The following SEC22A variants were observed in gnomAD, a reference collection of about 807,000 sequenced individuals.
The protein encoded by SEC22A is SEC22 homolog A, vesicle trafficking protein.
In SEC22A, 22 loss-of-function variants were observed where a neutral mutation model predicts 35.3. The ratio of observed to expected loss-of-function variants is 0.62; its 90% confidence interval spans 0.45 to 0.89. The LOEUF (loss-of-function observed/expected upper bound fraction) is 0.89. Among genes scored for constraint, SEC22A ranks in the 40% least tolerant of loss-of-function variants. The probability of loss-of-function intolerance (pLI) is 0.00; values close to 1 mark genes in which losing one functional copy is unlikely to be tolerated. For synonymous variants in SEC22A, 119 were observed against 129.5 expected, an observed-to-expected ratio of 0.92 and a Z score of 0.55; for missense variants, 354 against 362.5, an observed-to-expected ratio of 0.98 and a Z score of 0.19.
intron 2 of SEC22A, among the ~76,000 whole-genome samples, chr3:123,210,769 A>G (rs532714162): frequency 6.6e-6 from 1 of 152,348 alleles, no homozygotes; most frequent in Non-Finnish European, 1.5e-5. Flanking sequence ...CATATAGGAT[A>G]TAATAAGCAG....
At chr3:123,233,874 A>G (rs1294081155) in intron 4 of SEC22A, among the ~76,000 whole-genome samples, 3 of 152,258 alleles carry the variant, frequency 2.0e-5, no homozygotes, top group Non-Finnish European at 2.9e-5. Flanking sequence ...AGGACAATAA[A>G]TAAAAAGGCA....
chr3:123,209,653 T>C (rs1432012215), intron 2 of SEC22A, among the ~76,000 whole-genome samples: 1 of 152,230 alleles, frequency 6.6e-6, no homozygotes, highest in East Asian at 1.9e-4. Flanking sequence ...TAAATATTTA[T>C]TTGCATTCTT....
chr3:123,202,706 A>T (rs1936770226), intron 1 of SEC22A, among the ~76,000 whole-genome samples: 1 of 152,096 alleles, frequency 6.6e-6, no homozygotes, highest in Non-Finnish European at 1.5e-5. Context: ...AGTTTCCTGG[A>T]TCATCCACCT....
At chr3:123,215,638 A>G (rs763107756) in intron 2 of SEC22A, among the ~76,000 whole-genome samples, 7 of 152,228 alleles carry the variant, frequency 4.6e-5, no homozygotes, top group Non-Finnish European at 8.8e-5. Context: ...GAGACTTAGG[A>G]ATGTAAAGGA....
intron 4 of SEC22A, among the ~76,000 whole-genome samples, chr3:123,244,725 G>A (rs367930500): frequency 1.4e-4 from 21 of 152,164 alleles, no homozygotes; most frequent in African/African-American, 3.9e-4. Flanking sequence ...ATTTAAACCC[G>A]CCCTTATATT....
intron 5 of SEC22A, among the ~76,000 whole-genome samples, chr3:123,250,070 AG>A (rs1386899883): frequency 6.6e-6 from 1 of 152,202 alleles, no homozygotes; most frequent in Non-Finnish European, 1.5e-5. Flanking sequence ...GCTCTTAAAA[AG>A]TCTATTTTAA....
intron 4 of SEC22A, among the ~76,000 whole-genome samples, chr3:123,231,258 G>A (rs1167508185): frequency 6.6e-6 from 1 of 152,112 alleles, no homozygotes; most frequent in Non-Finnish European, 1.5e-5. Context: ...GAACAATTAG[G>A]CAGAAGATAA....
chr3:123,267,856 A>AT (rs968743387), intron 6 of SEC22A, among the ~76,000 whole-genome samples: 2 of 151,974 alleles, frequency 1.3e-5, no homozygotes, highest in Non-Finnish European at 2.9e-5. Context: ...ATTTGGCAGT[A>AT]TTTTTTTCTT....
At chr3:123,270,064 A>G (rs1327752533) in intron 6 of SEC22A, among the ~76,000 whole-genome samples, 1 of 152,184 alleles carries the variant, frequency 6.6e-6, no homozygotes, top group Non-Finnish European at 1.5e-5. Flanking sequence ...CAAAATCTGA[A>G]TAAAGTCTGT....
intron 3 of SEC22A, 77 bp from the exon 4 acceptor site, chr3:123,225,026 A>G (rs1576489142): frequency 1.1e-6 from 1 of 902,284 alleles, no homozygotes; most frequent in East Asian, 2.4e-5. Flanking sequence ...TGTAATATTT[A>G]CTATCCATAA....
chr3:123,236,485 C>T (rs948004104), intron 4 of SEC22A, among the ~76,000 whole-genome samples: 4 of 152,164 alleles, frequency 2.6e-5, no homozygotes, highest in Non-Finnish European at 4.4e-5. Context: ...GTGTTCAGAG[C>T]TACTTTTTCC....
chr3:123,264,967 T>C (rs900015633), intron 6 of SEC22A, among the ~76,000 whole-genome samples: 1 of 152,030 alleles, frequency 6.6e-6, no homozygotes, highest in South Asian at 2.1e-4. Flanking sequence ...TCTAATTGGA[T>C]TCTTTGTTTT....
At chr3:123,223,511 A>G (rs1546605) in intron 2 of SEC22A, 48 bp from the exon 3 acceptor site, 269,519 of 1,455,362 alleles carry the variant, frequency 0.19, 25,961 homozygotes, top group Middle Eastern at 0.28. Flanking sequence ...GCAGTGAATT[A>G]CCTTGATTTA....
At chr3:123,271,379 A>G in intron 6 of SEC22A, 143 bp from the exon 7 acceptor site, 1 of 643,474 alleles carries the variant, frequency 1.6e-6, no homozygotes, top group Non-Finnish European at 2.7e-6. Flanking sequence ...TCTTAGATAT[A>G]TGCTACATTA....
rs141643294 is a variant in SEC22A, at chr3:123,235,686, C to T, written c.542-10213C>T. Among the ~76,000 whole-genome samples, 280 of 152,138 alleles carry T rather than the reference C, an allele frequency of 1.8e-3. 3 individuals are homozygous for T. The highest frequency in any genetic ancestry group is 2.1e-3 in the African/African-American group (87 of 41,508). On this transcript the variant is annotated intron_variant, in intron 4 of 6. Coordinates refer to ENST00000492595, the MANE Select transcript of SEC22A (RefSeq NM_012430.5). ...AGGAATTCTACTCTTAGGTGTACCCCGGAGAAATGCAAACATATGTCCACA... is the reference window on the plus strand; with the variant it reads ...AGGAATTCTACTCTTAGGTGTACCCTGGAGAAATGCAAACATATGTCCACA...
At position 123,209,339 on chromosome 3, in the gene SEC22A, C is replaced by G; in HGVS notation, c.122C>G (p.Ser41Trp). The G allele has an allele frequency of 6.2e-7, 1 of 1,613,946 alleles. No individual in the cohort carries two copies. Among genetic ancestry groups the G allele is most frequent in the Non-Finnish European group, 8.5e-7 (1 of 1,179,920 alleles). The change falls in exon 2 of 7, where the codon TCG becomes TGG. Residue 41 changes from serine to tryptophan, a missense_variant. Transcript: ENST00000492595. ...TGCAGAAAGTATTTTAAAATGCTTT[C>G]GAGGAAACTTGCTCAACTTCCTGAT... The part of the protein sequence containing the change: ...QECRKYFKML[S>W]RKLAQLPDRC...
At chr3:123,235,753 A>G (rs7647758) in intron 4 of SEC22A, among the ~76,000 whole-genome samples, 29,912 of 152,198 alleles carry the variant, frequency 0.2, 3,045 homozygotes, top group Middle Eastern at 0.28. Context: ...AAAATAATTT[A>G]TGAATAGCAG....
At chr3:123,241,964 A>ATT (rs1461915285) in intron 4 of SEC22A, among the ~76,000 whole-genome samples, 90 of 149,078 alleles carry the variant, frequency 6.0e-4, no homozygotes, top group African/African-American at 2.1e-3. Context: ...AAAAAAAAAA[A>ATT]TTTTAAGGAG....
chr3:123,209,621 A>G (rs567142596), intron 2 of SEC22A, among the ~76,000 whole-genome samples: 1 of 152,322 alleles, frequency 6.6e-6, no homozygotes, highest in African/African-American at 2.4e-5. Context: ...GATCATAGAT[A>G]TCCCTCTTTT....
Sources: gnomAD v4.1 joint callset for allele counts (sites outside exome capture counted in the v4.1 genomes callset) on GRCh38, gnomAD v4.1.1 for gene constraint, MANE v1.5 for transcripts, NCBI Gene and HGNC (gene_info 2026-07-23, HGNC 2026-07-21) for gene names.